Variants in SCHIP1 observed in about 807,000 individuals in gnomAD.
The protein encoded by SCHIP1 is schwannomin-interacting protein 1.
In SCHIP1, 8 loss-of-function variants were observed where a neutral mutation model predicts 29.7. That is an observed-to-expected ratio of 0.27 (90% CI 0.16 to 0.49). The LOEUF (loss-of-function observed/expected upper bound fraction) is 0.49. Ranked by LOEUF, SCHIP1 falls within the 20% of genes least tolerant of loss-of-function variation. The pLI, the probability that SCHIP1 is intolerant of heterozygous loss-of-function variation, is 0.99. For synonymous variants in SCHIP1, 76 were observed against 94.9 expected, an observed-to-expected ratio of 0.80 and a Z score of 1.16; for missense variants, 193 against 294.6, an observed-to-expected ratio of 0.66 and a Z score of 2.52.
the SCHIP1 span, among the ~76,000 whole-genome samples, chr3:159,822,673 G>A: frequency 2.1e-5 from 3 of 144,116 alleles, no homozygotes; most frequent in East Asian, 2.4e-4. Context: ...GGCAAAAACC[G>A]CAACTACTTT....
the SCHIP1 span, among the ~76,000 whole-genome samples, chr3:159,693,159 G>A: frequency 6.8e-3 from 1,036 of 152,048 alleles, 13 homozygotes; most frequent in Non-Finnish European, 0.01. Context: ...CAGTAGGGAG[G>A]GGCTGTTTTT....
the SCHIP1 span, among the ~76,000 whole-genome samples, chr3:159,784,411 A>G: frequency 2.6e-5 from 4 of 152,238 alleles, no homozygotes; most frequent in Admixed American, 6.5e-5. Context: ...TCTTGACACT[A>G]TAAGGAATGC....
the SCHIP1 span, chr3:159,306,547 A>T: frequency 2.5e-6 from 2 of 812,108 alleles, no homozygotes; most frequent in Non-Finnish European, 3.0e-6. Context: ...CATGTGTGGG[A>T]TCTAGAATTA....
the SCHIP1 span, among the ~76,000 whole-genome samples, chr3:159,697,338 G>C: frequency 6.6e-6 from 1 of 152,162 alleles, no homozygotes; most frequent in Non-Finnish European, 1.5e-5. Flanking sequence ...GGGAATTTTT[G>C]GATGGAGAGA....
the SCHIP1 span, among the ~76,000 whole-genome samples, chr3:159,689,545 C>G: frequency 3.9e-5 from 6 of 152,184 alleles, no homozygotes; most frequent in Non-Finnish European, 5.9e-5. Context: ...CATCTGCAAA[C>G]AGAGATAATT....
chr3:159,331,682 C>A, the SCHIP1 span, among the ~76,000 whole-genome samples: 1 of 152,232 alleles, frequency 6.6e-6, no homozygotes, highest in African/African-American at 2.4e-5. Context: ...ACTCTGTTCA[C>A]TTTTTTCTCT....
the SCHIP1 span, among the ~76,000 whole-genome samples, chr3:159,550,338 C>T: frequency 1.8e-4 from 28 of 152,090 alleles, no homozygotes; most frequent in East Asian, 1.7e-3. Context: ...TATCACACTA[C>T]GCTTATAAAA....
At chr3:159,482,943 G>T in the SCHIP1 span, among the ~76,000 whole-genome samples, 1 of 152,096 alleles carries the variant, frequency 6.6e-6, no homozygotes, top group South Asian at 2.1e-4. Context: ...TGGGCCCCAG[G>T]GGTCTGGACT....
At chr3:159,767,718 C>T in the SCHIP1 span, among the ~76,000 whole-genome samples, 2 of 152,128 alleles carry the variant, frequency 1.3e-5, no homozygotes, top group Admixed American at 6.6e-5. Flanking sequence ...CTCATCATTC[C>T]AGACTCAGTT....
upstream of SCHIP1, among the ~76,000 whole-genome samples, chr3:159,837,718 G>A (rs774102015): frequency 6.0e-5 from 9 of 148,830 alleles, 1 homozygote; most frequent in Non-Finnish European, 1.0e-4. Context: ...TCCATCCCCC[G>A]CCCGAAAAAA....
the SCHIP1 span, among the ~76,000 whole-genome samples, chr3:159,708,384 A>G: frequency 6.6e-6 from 1 of 152,224 alleles, no homozygotes. Context: ...GAGAAGCCTA[A>G]ATTGCTTAGA....
the SCHIP1 span, among the ~76,000 whole-genome samples, chr3:159,464,695 G>A: frequency 3.3e-5 from 5 of 152,114 alleles, no homozygotes; most frequent in African/African-American, 1.2e-4. Flanking sequence ...TTCACATTCT[G>A]CTGTGCTATT....
the SCHIP1 span, among the ~76,000 whole-genome samples, chr3:159,601,739 T>C: frequency 6.6e-6 from 1 of 152,226 alleles, no homozygotes; most frequent in African/African-American, 2.4e-5. Flanking sequence ...GAGATGCCTT[T>C]TGGTGCATTG....
the SCHIP1 span, among the ~76,000 whole-genome samples, chr3:159,512,667 G>A: frequency 6.6e-6 from 1 of 152,108 alleles, no homozygotes; most frequent in South Asian, 2.1e-4. Context: ...TGGAGAATGG[G>A]ACATACCCTC....
rs1714084325 is a variant in SCHIP1 at position 159,861,764 on chromosome 3, T to C, written c.31-4399T>C. ...GTTGTACTTTTGTTTTATGAGGGTA[T>C]TTCCCAAGGCTGTTTTAGGAGTGGA... On this transcript the variant is annotated intron_variant, in intron 1 of 6. Coordinates refer to ENST00000445224, the Ensembl canonical transcript of SCHIP1. This position sits in a 1 kb window ranked among gnomAD's most constrained non-coding sequence, Gnocchi z 4.1. Among the ~76,000 whole-genome samples the C allele has an allele frequency of 6.6e-6, 1 of 152,200 alleles. No homozygotes were observed. Among genetic ancestry groups the C allele is most frequent in the Non-Finnish European group, 1.5e-5 (1 of 68,034 alleles).
At chr3:159,813,318 G>A in the SCHIP1 span, among the ~76,000 whole-genome samples, 1 of 152,066 alleles carries the variant, frequency 6.6e-6, no homozygotes, top group South Asian at 2.1e-4. Context: ...TTCCCGTATT[G>A]TAAATCATGA....
chr3:159,434,980 GTT>G, the SCHIP1 span, among the ~76,000 whole-genome samples: 1 of 152,156 alleles, frequency 6.6e-6, no homozygotes, highest in Non-Finnish European at 1.5e-5. Flanking sequence ...TTTAGAGTCA[GTT>G]ATCTATGACC....
At chr3:159,556,154 A>G in the SCHIP1 span, among the ~76,000 whole-genome samples, 1 of 152,170 alleles carries the variant, frequency 6.6e-6, no homozygotes, top group African/African-American at 2.4e-5. Context: ...GCAGCCAAAA[A>G]ACACATGAAA....
the SCHIP1 span, among the ~76,000 whole-genome samples, chr3:159,501,593 C>T: frequency 6.6e-6 from 1 of 152,162 alleles, no homozygotes; most frequent in Non-Finnish European, 1.5e-5. Context: ...CCATATACTA[C>T]TCACCAGGTC....
Sources: gnomAD v4.1 joint callset for allele counts (sites outside exome capture counted in the v4.1 genomes callset) on GRCh38, gnomAD v4.1.1 for gene constraint, Gnocchi (gnomAD v3.1) non-coding constraint, MANE v1.5 for transcripts, NCBI Gene and HGNC (gene_info 2026-07-23, HGNC 2026-07-21) for gene names.